Variants in ITGA9 observed in about 807,000 individuals in gnomAD.
ITGA9 encodes integrin subunit alpha 9.
In ITGA9, 56 loss-of-function variants were observed where a neutral mutation model predicts 127.8. The ratio of observed to expected loss-of-function variants is 0.44; its 90% CI spans 0.35 to 0.55. The LOEUF is 0.55. Among genes scored for constraint, ITGA9 ranks in the 20% least tolerant of loss-of-function variants. The probability of loss-of-function intolerance (pLI) is 0.00; values close to 1 mark genes in which losing one functional copy is unlikely to be tolerated. For missense variants in ITGA9, 1,196 were observed against 1,347.1 expected, an observed-to-expected ratio of 0.89 and a Z score of 1.76; for synonymous variants, 508 against 514.5, an observed-to-expected ratio of 0.99 and a Z score of 0.17.
intron 11 of ITGA9, among the ~76,000 whole-genome samples, chr3:37,521,775 G>A (rs765695248): frequency 6.6e-6 from 1 of 152,216 alleles, no homozygotes; most frequent in Non-Finnish European, 1.5e-5. Flanking sequence ...AAGAGGGTCT[G>A]CTTCAAAACG....
At chr3:37,795,051 C>T (rs967678438) in intron 26 of ITGA9, among the ~76,000 whole-genome samples, 3 of 152,158 alleles carry the variant, frequency 2.0e-5, no homozygotes, top group Admixed American at 6.5e-5. Context: ...GAATCAGAAT[C>T]GGGTGGAAAT....
intron 17 of ITGA9, among the ~76,000 whole-genome samples, chr3:37,667,609 C>T (rs1277540641): frequency 1.3e-5 from 2 of 152,224 alleles, no homozygotes; most frequent in African/African-American, 4.8e-5. Flanking sequence ...GTAAGCACAA[C>T]CCATGACTCT....
chr3:37,661,474 A>G (rs1255432532), intron 17 of ITGA9, among the ~76,000 whole-genome samples: 1 of 152,206 alleles, frequency 6.6e-6, no homozygotes, highest in Non-Finnish European at 1.5e-5. Context: ...TTAGATAACA[A>G]ACCTGTGGTT....
chr3:37,647,389 G>A (rs1379723649), intron 16 of ITGA9, among the ~76,000 whole-genome samples: 1 of 150,410 alleles, frequency 6.6e-6, no homozygotes, highest in African/African-American at 2.4e-5. Flanking sequence ...ATGTTTTGAT[G>A]TACATTTACA....
chr3:37,570,068 G>A lies in ITGA9; in HGVS notation c.1689+27483G>A, dbSNP rs145958128. Among the ~76,000 whole-genome samples, 1,142 of 152,330 alleles carry A rather than the reference G, an allele frequency of 7.5e-3. 52 individuals are homozygous for A. The highest frequency in any genetic ancestry group is 0.069 in the Admixed American group (1,058 of 15,304). On this transcript the variant is annotated intron_variant, in intron 15 of 27. Coordinates refer to ENST00000264741, the MANE Select transcript of ITGA9 (RefSeq NM_002207.3). ...TGAGAGCCCAGCTCCCCTGAAATGCGTAGGGTTGGTCAGTGATTTTGCTAT... is the reference window on the plus strand; with the variant it reads ...TGAGAGCCCAGCTCCCCTGAAATGCATAGGGTTGGTCAGTGATTTTGCTAT...
intron 3 of ITGA9, among the ~76,000 whole-genome samples, chr3:37,481,197 A>T (rs1698550242): frequency 6.6e-6 from 1 of 151,998 alleles, no homozygotes; most frequent in Non-Finnish European, 1.5e-5. Flanking sequence ...CCACTCCCAG[A>T]TTCTCTATTC....
chr3:37,705,686 T>A (rs181913756), intron 18 of ITGA9, among the ~76,000 whole-genome samples: 9 of 152,152 alleles, frequency 5.9e-5, no homozygotes, highest in Admixed American at 2.0e-4. Context: ...ACAATATTAG[T>A]TTTGGCTTTG....
chr3:37,473,038 C>G (rs1698450085), intron 2 of ITGA9, among the ~76,000 whole-genome samples: 1 of 144,244 alleles, frequency 6.9e-6, no homozygotes, highest in South Asian at 2.3e-4. Flanking sequence ...ACTTGGGAGG[C>G]TGAGGCAGGG....
At chr3:37,660,353 G>A (rs901536082) in intron 17 of ITGA9, among the ~76,000 whole-genome samples, 6 of 152,172 alleles carry the variant, frequency 3.9e-5, no homozygotes, top group South Asian at 4.1e-4. Flanking sequence ...ATTTTGGATC[G>A]TAGAAAAACT....
chr3:37,678,012 T>C (rs982620405), intron 17 of ITGA9, among the ~76,000 whole-genome samples: 4 of 152,234 alleles, frequency 2.6e-5, no homozygotes, highest in African/African-American at 9.6e-5. Context: ...TTGGTATGAT[T>C]TCCATGATTG....
chr3:37,479,232 A>G (rs1404738874), intron 3 of ITGA9, among the ~76,000 whole-genome samples: 1 of 152,240 alleles, frequency 6.6e-6, no homozygotes, highest in African/African-American at 2.4e-5. Context: ...ACTTAGTGAT[A>G]TATTTTTTAT....
At chr3:37,479,109 CAT>C (rs2125557528) in intron 3 of ITGA9, among the ~76,000 whole-genome samples, 1 of 152,204 alleles carries the variant, frequency 6.6e-6, no homozygotes, top group African/African-American at 2.4e-5. Context: ...AAAACCAAAA[CAT>C]AACTGATTTA....
chr3:37,630,584 A>G (rs1376002879), intron 16 of ITGA9, among the ~76,000 whole-genome samples: 2 of 152,206 alleles, frequency 1.3e-5, no homozygotes, highest in Non-Finnish European at 2.9e-5. Flanking sequence ...CCTCCTTGAA[A>G]GGAGATCCCC....
chr3:37,636,109 T>C (rs1220979564), intron 16 of ITGA9, among the ~76,000 whole-genome samples: 1 of 152,110 alleles, frequency 6.6e-6, no homozygotes, highest in Non-Finnish European at 1.5e-5. Context: ...CGTGTGTCTT[T>C]ATAGCAGCAT....
At chr3:37,618,281 T>C (rs1700094612) in intron 15 of ITGA9, among the ~76,000 whole-genome samples, 1 of 152,210 alleles carries the variant, frequency 6.6e-6, no homozygotes, top group African/African-American at 2.4e-5. Flanking sequence ...ACAGTGGATA[T>C]TGGTGAACAG....
intron 15 of ITGA9, among the ~76,000 whole-genome samples, chr3:37,559,301 C>A (rs1434465094): frequency 2.0e-5 from 3 of 152,116 alleles, no homozygotes; most frequent in Non-Finnish European, 2.9e-5. Flanking sequence ...CACATATACA[C>A]CCCATAACCA....
chr3:37,527,206 T>C (rs1478433830), intron 13 of ITGA9, among the ~76,000 whole-genome samples: 6 of 152,202 alleles, frequency 3.9e-5, no homozygotes, highest in Non-Finnish European at 8.8e-5. Context: ...AACATGGTAG[T>C]TTCAACTTAG....
At chr3:37,617,007 G>A (rs1223763059) in intron 15 of ITGA9, among the ~76,000 whole-genome samples, 1 of 152,226 alleles carries the variant, frequency 6.6e-6, no homozygotes, top group African/African-American at 2.4e-5. Context: ...CTGTCATTAT[G>A]ATGTTAGCTG....
chr3:37,785,141 C>T, intron 26 of ITGA9, 63 bp downstream of exon 26: 4 of 1,162,294 alleles, frequency 3.4e-6, no homozygotes, highest in Non-Finnish European at 2.6e-6. Context: ...GACTTGGAGA[C>T]CTGGAGCTGG....
Sources: allele counts gnomAD v4.1 joint callset (sites outside exome capture counted in the v4.1 genomes callset), GRCh38; gene constraint gnomAD v4.1.1; transcripts MANE v1.5; gene names NCBI Gene and HGNC (gene_info 2026-07-23, HGNC 2026-07-21).